Variants in TAS2R1 observed in about 807,000 individuals in gnomAD.
TAS2R1 encodes the protein taste receptor type 2 member 1.
For missense variants in TAS2R1, 370 were observed against 353.4 expected (o/e 1.05, Z -0.38); for synonymous variants, 141 against 134.2 (o/e 1.05, Z -0.35).
chr5:9,728,014 A>G, the TAS2R1 span, among the ~76,000 whole-genome samples: 2 of 152,220 alleles, frequency 1.3e-5, no homozygotes, highest in Non-Finnish European at 2.9e-5. Flanking sequence ...AAGCCTGGAA[A>G]GCAAAGAACA....
the TAS2R1 span, among the ~76,000 whole-genome samples, chr5:9,866,832 CTT>C: frequency 1.7e-4 from 26 of 152,360 alleles, no homozygotes; most frequent in African/African-American, 6.0e-4. Flanking sequence ...AGACACCTCT[CTT>C]TGTTTCCCTC....
chr5:9,651,579 C>G (rs1740306194), intron 2 of TAS2R1, among the ~76,000 whole-genome samples: 1 of 152,096 alleles, frequency 6.6e-6, no homozygotes, highest in Admixed American at 6.5e-5. Flanking sequence ...AAATCCATAA[C>G]AGATTTTAAA....
chr5:9,805,912 G>T, the TAS2R1 span, among the ~76,000 whole-genome samples: 1 of 152,138 alleles, frequency 6.6e-6, no homozygotes, highest in South Asian at 2.1e-4. Flanking sequence ...TTAGATAAGA[G>T]AAAGAAATTA....
At chr5:9,822,091 G>A in the TAS2R1 span, among the ~76,000 whole-genome samples, 16 of 152,216 alleles carry the variant, frequency 1.1e-4, no homozygotes, top group African/African-American at 3.1e-4. Context: ...GATTGGCTTC[G>A]TTCTTTTCCT....
chr5:9,664,698 A>G (rs1740598292), intron 1 of TAS2R1, among the ~76,000 whole-genome samples: 1 of 151,228 alleles, frequency 6.6e-6, no homozygotes, highest in South Asian at 2.1e-4. Flanking sequence ...TTTAATCTGG[A>G]TTGCCTATCA....
the TAS2R1 span, among the ~76,000 whole-genome samples, chr5:9,866,886 C>A: frequency 5.3e-5 from 8 of 152,344 alleles, no homozygotes; most frequent in Admixed American, 1.3e-4. Context: ...ATTGCCTGAG[C>A]AGCTCTTTGA....
intron 1 of TAS2R1, among the ~76,000 whole-genome samples, chr5:9,700,258 T>C (rs1368176041): frequency 6.6e-6 from 1 of 152,174 alleles, no homozygotes; most frequent in Non-Finnish European, 1.5e-5. Flanking sequence ...AATGGAATCA[T>C]TCATCAAGGT....
At chr5:9,844,135 A>G in the TAS2R1 span, among the ~76,000 whole-genome samples, 1 of 152,184 alleles carries the variant, frequency 6.6e-6, no homozygotes, top group South Asian at 2.1e-4. Flanking sequence ...CACAGGTTCT[A>G]CCCACACTCA....
At chr5:9,724,817 G>A in the TAS2R1 span, among the ~76,000 whole-genome samples, 1 of 152,196 alleles carries the variant, frequency 6.6e-6, no homozygotes, top group African/African-American at 2.4e-5. Flanking sequence ...TGGGTATGGA[G>A]GCACTTCTCT....
chr5:9,836,351 G>A, the TAS2R1 span, among the ~76,000 whole-genome samples: 42 of 152,000 alleles, frequency 2.8e-4, no homozygotes, highest in Non-Finnish European at 4.9e-4. Flanking sequence ...AAATCCCTTC[G>A]TGGGCTGAAG....
the TAS2R1 span, among the ~76,000 whole-genome samples, chr5:9,730,472 C>CTGCCACACCTGTGCAGG: frequency 7.2e-5 from 11 of 152,200 alleles, no homozygotes; most frequent in African/African-American, 1.9e-4. Context: ...AATAAAGGCG[C>CTGCCACACCTGTGCAGG]TGCCACACCT....
the TAS2R1 span, among the ~76,000 whole-genome samples, chr5:9,779,287 A>G: frequency 6.6e-6 from 1 of 152,156 alleles, no homozygotes; most frequent in Non-Finnish European, 1.5e-5. Flanking sequence ...CTGAGACCTC[A>G]CCAGAAGGGG....
the TAS2R1 span, among the ~76,000 whole-genome samples, chr5:9,824,845 A>AAG: frequency 1.6e-3 from 3 of 1,854 alleles, no homozygotes; most frequent in African/African-American, 4.3e-3. Flanking sequence ...GAAAACTCTG[A>AAG]AAAAAAAAAA....
At chr5:9,839,726 G>C in the TAS2R1 span, among the ~76,000 whole-genome samples, 1 of 152,040 alleles carries the variant, frequency 6.6e-6, no homozygotes, top group Non-Finnish European at 1.5e-5. Context: ...GGTAGTTTTT[G>C]CATGTGCAGT....
the TAS2R1 span, among the ~76,000 whole-genome samples, chr5:9,840,967 C>T: frequency 2.7e-5 from 4 of 150,820 alleles, no homozygotes; most frequent in African/African-American, 4.9e-5. Flanking sequence ...CTCTGCCTCC[C>T]GGTTTCACGC....
chr5:9,748,743 A>C, the TAS2R1 span, among the ~76,000 whole-genome samples: 1 of 152,304 alleles, frequency 6.6e-6, no homozygotes, highest in South Asian at 2.1e-4. Context: ...CTATGACCCA[A>C]ATACATCCCA....
the TAS2R1 span, chr5:9,862,774 G>A: frequency 3.3e-5 from 5 of 151,842 alleles, no homozygotes; most frequent in African/African-American, 9.7e-5. Flanking sequence ...ACCACCACAC[G>A]TACTTAATTT....
At chr5:9,756,967 C>A in the TAS2R1 span, among the ~76,000 whole-genome samples, 1 of 152,102 alleles carries the variant, frequency 6.6e-6, no homozygotes, top group African/African-American at 2.4e-5. Context: ...CAATCAAGGA[C>A]ATAATAAAGT....
chr5:9,663,348 A>T (rs911244152), intron 1 of TAS2R1, among the ~76,000 whole-genome samples: 2 of 152,192 alleles, frequency 1.3e-5, no homozygotes, highest in African/African-American at 4.8e-5. Context: ...TAATTGTATT[A>T]TATTTCTTAA....
Sources: allele counts gnomAD v4.1 joint callset (sites outside exome capture counted in the v4.1 genomes callset), GRCh38; gene constraint gnomAD v4.1.1; transcripts MANE v1.5; gene names NCBI Gene and HGNC (gene_info 2026-07-23, HGNC 2026-07-21).